The following ASCC3 variants were observed in gnomAD, a reference collection of about 807,000 sequenced individuals.
ASCC3 encodes the protein activating signal cointegrator 1 complex subunit 3.
Under a neutral mutation model 256.3 loss-of-function variants are expected in ASCC3, and 158 were observed. The observed-to-expected ratio is 0.62, with a 90% confidence interval of 0.54 to 0.70. The LOEUF is 0.70. ASCC3 is among the 30% of genes least tolerant of loss of function. ASCC3 has a pLI of 0.00. For synonymous variants in ASCC3, 948 were observed against 883.4 expected (o/e 1.07, Z -1.30); for missense variants, 2,259 against 2,626.0 (o/e 0.86, Z 3.05).
At chr6:100,803,199 T>C (rs1216693956) in intron 5 of ASCC3, among the ~76,000 whole-genome samples, 3 of 152,086 alleles carry the variant, frequency 2.0e-5, no homozygotes, top group African/African-American at 7.2e-5. Flanking sequence ...TTATATACTA[T>C]TCAACAGGTG....
chr6:100,733,077 G>A (rs1222196972), intron 10 of ASCC3, among the ~76,000 whole-genome samples: 2 of 152,160 alleles, frequency 1.3e-5, no homozygotes, highest in South Asian at 2.1e-4. Flanking sequence ...CAAATATGAT[G>A]AAAGTATACA....
intron 8 of ASCC3, among the ~76,000 whole-genome samples, chr6:100,783,467 A>G (rs899404512): frequency 4.6e-5 from 7 of 151,746 alleles, no homozygotes; most frequent in African/African-American, 1.5e-4. Flanking sequence ...GTATCCTCCT[A>G]CTCCTCCATC....
chr6:100,543,677 TTA>T (rs571771411), intron 36 of ASCC3, among the ~76,000 whole-genome samples: 155 of 152,142 alleles, frequency 1.0e-3, no homozygotes, highest in African/African-American at 3.6e-3. Context: ...TCTGAAACAT[TTA>T]TGTCCTGAAT....
chr6:100,683,385 G>T (rs936324392), intron 13 of ASCC3, among the ~76,000 whole-genome samples: 1 of 151,988 alleles, frequency 6.6e-6, no homozygotes, highest in African/African-American at 2.4e-5. Context: ...ATTTTCTACT[G>T]CAGCCAAGAG....
chr6:100,633,257 T>C (rs1774648263), intron 25 of ASCC3, among the ~76,000 whole-genome samples: 1 of 152,140 alleles, frequency 6.6e-6, no homozygotes, highest in South Asian at 2.1e-4. Flanking sequence ...GAATCATCCC[T>C]TTGTCCAGAG....
At chr6:100,658,290 G>A (rs775515299) in intron 16 of ASCC3, among the ~76,000 whole-genome samples, 10 of 151,404 alleles carry the variant, frequency 6.6e-5, no homozygotes, top group African/African-American at 1.2e-4. Context: ...AATCCCCCAC[G>A]AATTTGGTAA....
intron 12 of ASCC3, among the ~76,000 whole-genome samples, chr6:100,717,375 G>A (rs1441886897): frequency 6.6e-6 from 1 of 151,908 alleles, no homozygotes; most frequent in Admixed American, 6.6e-5. Context: ...CAAAAGGCCT[G>A]TAAATATTTT....
At chr6:100,549,972 T>G (rs1582431275) in intron 36 of ASCC3, among the ~76,000 whole-genome samples, 1 of 151,852 alleles carries the variant, frequency 6.6e-6, no homozygotes, top group African/African-American at 2.4e-5. Context: ...CCATGAAAAC[T>G]GATAAGGAGC....
In ASCC3 at chr6:100,601,768, T is replaced by C. The variant is rs773195397; in HGVS notation, c.5303+42A>G. ...TTATTACTTTCAAATATGTCTTATT[T>C]CGGGGCAAAACAGAAAGGTATATAA... On this transcript the variant is annotated intron_variant, in intron 34 of 41. Coordinates refer to ENST00000369162, the MANE Select transcript of ASCC3 (RefSeq NM_006828.4). 2.5e-6 allele frequency: 4 copies of C among 1,606,066 alleles called. No individual in the cohort carries two copies. In the African/African-American group the frequency reaches 4.0e-5, roughly 16 times the overall value.
intron 1 of ASCC3, among the ~76,000 whole-genome samples, chr6:100,872,059 G>A (rs1260636783): frequency 2.6e-5 from 4 of 152,108 alleles, no homozygotes; most frequent in Non-Finnish European, 5.9e-5. Context: ...TTAAAGAAAG[G>A]CTCTGATAGT....
intron 25 of ASCC3, among the ~76,000 whole-genome samples, chr6:100,634,436 T>C (rs962031516): frequency 1.3e-5 from 2 of 152,188 alleles, no homozygotes; most frequent in Non-Finnish European, 2.9e-5. Context: ...TACCATCAGG[T>C]TGCAGGCATC....
intron 37 of ASCC3, among the ~76,000 whole-genome samples, chr6:100,525,873 G>C (rs1185077176): frequency 6.6e-6 from 1 of 152,034 alleles, no homozygotes; most frequent in Non-Finnish European, 1.5e-5. Flanking sequence ...TAAAACATTA[G>C]TTGTTAGACA....
intron 36 of ASCC3, among the ~76,000 whole-genome samples, chr6:100,583,489 T>C (rs1375983159): frequency 6.6e-6 from 1 of 152,200 alleles, no homozygotes; most frequent in Non-Finnish European, 1.5e-5. Context: ...TTCTTCTTTA[T>C]TAGTCTTGCT....
intron 4 of ASCC3, among the ~76,000 whole-genome samples, chr6:100,825,038 A>G (rs541431816): frequency 6.6e-6 from 1 of 152,322 alleles, no homozygotes; most frequent in East Asian, 1.9e-4. Context: ...TGATTGAACC[A>G]TATTTATTGA....
chr6:100,799,687 A>T, intron 6 of ASCC3, 115 bp from the exon 7 acceptor site: 1 of 1,093,192 alleles, frequency 9.1e-7, no homozygotes, highest in Non-Finnish European at 1.3e-6. Flanking sequence ...ATAAAAAAGA[A>T]ATTAAACTAC....
intron 13 of ASCC3, among the ~76,000 whole-genome samples, chr6:100,707,744 A>G (rs1344702359): frequency 6.6e-6 from 1 of 152,140 alleles, no homozygotes; most frequent in Non-Finnish European, 1.5e-5. Context: ...AATGTAGATG[A>G]CACTTTTTAC....
chr6:100,842,527 T>C (rs1476465007), intron 4 of ASCC3, among the ~76,000 whole-genome samples: 3 of 152,334 alleles, frequency 2.0e-5, no homozygotes, highest in Non-Finnish European at 2.9e-5. Flanking sequence ...GGAATCTAGC[T>C]GTCTTCTATT....
intron 11 of ASCC3, among the ~76,000 whole-genome samples, chr6:100,720,108 A>G (rs1779257316): frequency 6.6e-6 from 1 of 151,940 alleles, no homozygotes; most frequent in Admixed American, 6.6e-5. Flanking sequence ...ATCACAAGGA[A>G]CAAATAAAAA....
chr6:100,631,103 C>G, intron 26 of ASCC3, 25 bp downstream of exon 26: 1 of 1,518,460 alleles, frequency 6.6e-7, no homozygotes, highest in Non-Finnish European at 9.1e-7. Flanking sequence ...CAAAGCGTAT[C>G]TTTTGAGTAA....
Sources: gnomAD v4.1 joint callset for allele counts (sites outside exome capture counted in the v4.1 genomes callset) on GRCh38, gnomAD v4.1.1 for gene constraint, MANE v1.5 for transcripts, NCBI Gene and HGNC (gene_info 2026-07-23, HGNC 2026-07-21) for gene names.